The following TEX15 variants were observed in gnomAD, a reference collection of about 807,000 sequenced individuals.
The protein encoded by TEX15 is testis expressed 15, meiosis and synapsis associated.
TEX15 carries 171 observed loss-of-function variants against 237.3 expected under a neutral mutation model. The ratio of observed to expected loss-of-function variants is 0.72; its 90% CI spans 0.64 to 0.82. The LOEUF is 0.82. TEX15 is among the 40% of genes least tolerant of loss of function. The pLI is 0.00. For missense variants in TEX15, 3,750 were observed against 3,646.5 expected (o/e 1.03, Z -0.73); for synonymous variants, 1,338 against 1,269.8 (o/e 1.05, Z -1.14).
At chr8:30,876,799 C>G (rs759221888) in intron 3 of TEX15, among the ~76,000 whole-genome samples, 2 of 152,146 alleles carry the variant, frequency 1.3e-5, no homozygotes, top group Admixed American at 1.3e-4. Flanking sequence ...TGTCCCTACC[C>G]AGATCTCATC....
chr8:30,875,234 T>A (rs1360000327), intron 3 of TEX15, 132 bp from the exon 4 acceptor site: 27 of 502,332 alleles, frequency 5.4e-5, no homozygotes, highest in Non-Finnish European at 8.0e-5. Context: ...AGGCAACCAT[T>A]TGTATTTAAG....
In TEX15 at chr8:30,887,264, C is replaced by T. The variant is rs985745494; in HGVS notation, c.39G>A (p.Trp13Ter). Residue 13 changes from tryptophan to a stop codon, truncating the protein, a stop_gained, in exon 3 of 11, where the codon TGG becomes TGA. Transcript: ENST00000643185. LOFTEE classifies it high-confidence loss of function. ...CGGGTTTGCTAGTTGAGCTCATTTG[C>T]CACAGTGTATCCTGTTTAGCAGTTT... Reference protein sequence around the residue: ...MKETAKQDTLWQMSSTSKPVL... With the variant: ...MKETAKQDTL 4 of 1,535,782 alleles carry T rather than the reference C, an allele frequency of 2.6e-6. No homozygotes were observed. The African/African-American group carries it at 5.5e-5, about 21-fold the overall frequency.
intron 2 of TEX15, among the ~76,000 whole-genome samples, chr8:30,893,812 T>C (rs755591154): frequency 7.2e-5 from 11 of 152,246 alleles, no homozygotes; most frequent in Non-Finnish European, 1.3e-4. Flanking sequence ...GATGAACTTC[T>C]TATATCTAAC....
intron 1 of TEX15, among the ~76,000 whole-genome samples, chr8:30,903,175 T>A (rs1355006163): frequency 6.6e-6 from 1 of 152,230 alleles, no homozygotes; most frequent in African/African-American, 2.4e-5. Context: ...TGTATGGATG[T>A]ATTTCTCTAA....
At chr8:30,836,597 T>C (rs1414596089) in intron 10 of TEX15, among the ~76,000 whole-genome samples, 1 of 152,176 alleles carries the variant, frequency 6.6e-6, no homozygotes, top group African/African-American at 2.4e-5. Context: ...GACATATTAG[T>C]GATACTGACA....
At position 30,874,481 on chromosome 8, in the gene TEX15, C is replaced by T. The variant is rs34832234; in HGVS notation, c.302+456G>A. 7.8e-3 allele frequency among the ~76,000 whole-genome samples: 1,185 copies of T among 152,246 alleles called. 5 individuals carry two copies. The highest frequency in any genetic ancestry group is 0.013 in the Non-Finnish European group (901 of 68,006). Reference sequence around the variant, plus strand: ...TTAAAAAATTATGTGTGAGAAATGGCATCAACATAGAATAGTTCTAGTGGA... The same window carrying T: ...TTAAAAAATTATGTGTGAGAAATGGTATCAACATAGAATAGTTCTAGTGGA... On this transcript the variant is annotated intron_variant, in intron 4 of 10. Coordinates refer to ENST00000643185, the MANE Select transcript of TEX15 (RefSeq NM_001350162.2).
chr8:30,906,079 T>C (rs924415214), intron 1 of TEX15, among the ~76,000 whole-genome samples: 1 of 152,242 alleles, frequency 6.6e-6, no homozygotes, highest in Non-Finnish European at 1.5e-5. Context: ...TTCTGCTATA[T>C]TGATTACTAC....
Position 30,843,292 on chromosome 8 carries a change from G to A in TEX15, c.6875C>T (p.Ser2292Leu), listed in dbSNP as rs758915249. 6.4e-5 allele frequency: 103 copies of A among 1,609,288 alleles called. No individual in the cohort carries two copies. The Admixed American group carries it at 9.4e-4, about 15-fold the overall frequency. ...TAGCCTTTCTTCGTCCTTCTTTTGT[G>A]AGTATTTTTTGCTGAAGGATTGTGT... ...ERTQSFSKKY[S>L]QKKDEERLLR... Residue 2292 changes from serine to leucine, a missense_variant, in exon 8 of 11, where the codon TCA (serine) becomes TTA (leucine). Physicochemically the swap from Ser to Leu is moderately radical, Grantham distance 145 (BLOSUM62 -2). Coordinates refer to ENST00000643185, the MANE Select transcript of TEX15 (RefSeq NM_001350162.2).
chr8:30,901,882 T>C (rs1463782406), intron 1 of TEX15, among the ~76,000 whole-genome samples: 1 of 152,230 alleles, frequency 6.6e-6, no homozygotes, highest in African/African-American at 2.4e-5. Context: ...GGACATGTCC[T>C]ATACTTCCTA....
intron 4 of TEX15, among the ~76,000 whole-genome samples, chr8:30,870,988 T>C (rs113305144): frequency 0.013 from 1,968 of 152,078 alleles, 46 homozygotes; most frequent in African/African-American, 0.045. Flanking sequence ...TTCTAGAAGT[T>C]ACCCACCATC....
intron 1 of TEX15, among the ~76,000 whole-genome samples, chr8:30,912,349 G>C (rs113093108): frequency 7.7e-5 from 11 of 142,920 alleles, no homozygotes; most frequent in South Asian, 2.4e-4. Flanking sequence ...CCCCCTCCCC[G>C]CCCCCGCGGA....
intron 5 of TEX15, among the ~76,000 whole-genome samples, chr8:30,866,134 TATG>T (rs1290795896): frequency 1.3e-5 from 2 of 152,084 alleles, no homozygotes; most frequent in Non-Finnish European, 2.9e-5. Context: ...AGTATTTCTA[TATG>T]ATAATAGTTA....
Position 30,837,904 on chromosome 8 carries a change from T to C in TEX15, c.8380A>G (p.Lys2794Glu). ...LENPKDTCAS[K>E]SESKIDLTVS... ...GTTAAGTCTATTTTGCTTTCCGACT[T>C]TGATGCGCAAGTGTCTTTTGGGTTC... The change falls in exon 10 of 11, where the codon AAG (lysine) becomes GAG (glutamate). Residue 2794 changes from lysine (K) to glutamate (E), a missense_variant. Physicochemically the swap from Lys to Glu is moderately conservative, Grantham distance 56. Coordinates refer to ENST00000643185, the MANE Select transcript of TEX15 (RefSeq NM_001350162.2). 1 of 1,614,178 alleles carries C rather than the reference T, an allele frequency of 6.2e-7. No homozygotes were observed. Among genetic ancestry groups the C allele is most frequent in the Non-Finnish European group, 8.5e-7 (1 of 1,180,036 alleles).
intron 1 of TEX15, among the ~76,000 whole-genome samples, chr8:30,911,614 T>C (rs1363106398): frequency 1.3e-5 from 2 of 152,174 alleles, no homozygotes. Context: ...ACTTAGGGCG[T>C]TGGGGTGCTT....
At chr8:30,909,394 A>ACACCCCCC (rs1809172163) in intron 1 of TEX15, among the ~76,000 whole-genome samples, 1 of 118,340 alleles carries the variant, frequency 8.5e-6, no homozygotes, top group African/African-American at 3.6e-5. Flanking sequence ...TTAAAGACAG[A>ACACCCCCC]CCCCCCCCCG....
rs754029258 is a variant in TEX15 at position 30,847,397 on chromosome 8, A to G, written c.2770T>C (p.Leu924=). Residue 924 remains leucine, a synonymous_variant, in exon 8 of 11, where the codon TTG becomes CTG. Transcript: ENST00000643185. ...SSEEFSTKFN[L]ICREDNAVSA... is the part of the protein sequence containing the mutation. ...ACTGCATTATCTTCTCTGCAAATCA[A>G]GTTAAATTTAGTAGAAAATTCTTCA... The G allele has an allele frequency of 1.2e-6, 2 of 1,612,708 alleles. No homozygotes were observed. Among genetic ancestry groups the G allele is most frequent in the East Asian group, 4.5e-5 (2 of 44,866 alleles).
intron 9 of TEX15, among the ~76,000 whole-genome samples, chr8:30,839,624 C>T (rs1807395980): frequency 6.6e-6 from 1 of 152,158 alleles, no homozygotes. Flanking sequence ...TGACTTACTT[C>T]TAACTATACT....
chr8:30,888,720 C>T, intron 2 of TEX15: 7 of 1,148,142 alleles, frequency 6.1e-6, no homozygotes, highest in South Asian at 1.3e-5. Context: ...TTAAAAGATG[C>T]TAAAATTCTA....
At chr8:30,853,105 A>T (rs1208086823) in intron 7 of TEX15, among the ~76,000 whole-genome samples, 1 of 152,192 alleles carries the variant, frequency 6.6e-6, no homozygotes, top group Non-Finnish European at 1.5e-5. Flanking sequence ...CCTGAAAGGC[A>T]TCATCCTTTG....
Sources: allele counts gnomAD v4.1 joint callset (sites outside exome capture counted in the v4.1 genomes callset), GRCh38; gene constraint gnomAD v4.1.1; transcripts MANE v1.5; gene names NCBI Gene and HGNC (gene_info 2026-07-23, HGNC 2026-07-21).